LMO1: variants seen among roughly 807,000 people sequenced by gnomAD.
LMO1 encodes rhombotin-1.
In LMO1, 10 loss-of-function variants were observed where a neutral mutation model predicts 18.0. That is an observed-to-expected ratio of 0.55 (90% CI 0.34 to 0.94). The LOEUF is 0.94. LMO1 is among the 40% of genes least tolerant of loss of function. The pLI is 0.02. For missense variants in LMO1, 183 were observed against 205.7 expected, an observed-to-expected ratio of 0.89 and a Z score of 0.68; for synonymous variants, 77 against 77.9, an observed-to-expected ratio of 0.99 and a Z score of 0.06.
chr11:8,253,060 A>G (rs1847031781), intron 1 of LMO1, among the ~76,000 whole-genome samples: 1 of 152,206 alleles, frequency 6.6e-6, no homozygotes, highest in African/African-American at 2.4e-5. Context: ...TTCCTCCTAG[A>G]GCACAGGCCT....
At chr11:8,231,821 CA>C (rs1952667704) in intron 1 of LMO1, among the ~76,000 whole-genome samples, 1 of 152,138 alleles carries the variant, frequency 6.6e-6, no homozygotes, top group South Asian at 2.1e-4. Flanking sequence ...GCCCCCAGCC[CA>C]GAGTCTGAAT....
chr11:8,229,212 T>G (rs1350722594), intron 2 of LMO1, among the ~76,000 whole-genome samples: 1 of 152,220 alleles, frequency 6.6e-6, no homozygotes, highest in Non-Finnish European at 1.5e-5. Flanking sequence ...TAACCCCTGC[T>G]TCTGGTCTCA....
chr11:8,268,512 G>A (rs1050005403), upstream of LMO1: 5 of 1,292,560 alleles, frequency 3.9e-6, no homozygotes, highest in African/African-American at 7.7e-5. Context: ...TCCGACTCCC[G>A]CCGCCGGCCG....
At chr11:8,234,967 G>T (rs762218696) in intron 1 of LMO1, among the ~76,000 whole-genome samples, 5 of 152,158 alleles carry the variant, frequency 3.3e-5, no homozygotes, top group Non-Finnish European at 7.4e-5. Context: ...CAAGGAGCTG[G>T]GGGGCCTGGA....
intron 1 of LMO1, among the ~76,000 whole-genome samples, chr11:8,234,138 A>T (rs1952719695): frequency 6.6e-6 from 1 of 152,134 alleles, no homozygotes; most frequent in Non-Finnish European, 1.5e-5. Flanking sequence ...TGGAGGGGAA[A>T]CAGGCTGAAC....
chr11:8,253,929 T>C (rs1847047138), intron 1 of LMO1, among the ~76,000 whole-genome samples: 1 of 152,150 alleles, frequency 6.6e-6, no homozygotes, highest in South Asian at 2.1e-4. Flanking sequence ...GCCGACAGAA[T>C]GCCTCCCCTA....
intron 1 of LMO1, among the ~76,000 whole-genome samples, chr11:8,255,605 C>G (rs868617558): frequency 6.6e-6 from 1 of 152,164 alleles, no homozygotes; most frequent in African/African-American, 2.4e-5. Context: ...AGTCTTGTCA[C>G]GCCCAGCATC....
intron 1 of LMO1, 36 bp from the exon 2 acceptor site, chr11:8,230,540 G>T: frequency 1.9e-6 from 3 of 1,587,780 alleles, no homozygotes; most frequent in East Asian, 2.2e-5. Context: ...CGCAGGATGG[G>T]CCCCGTAGCT....
Position 8,227,028 on chromosome 11 carries a change from G to A in LMO1, c.312C>T (p.Ala104=), listed in dbSNP as rs369420489. The A allele has an allele frequency of 2.5e-6, 4 of 1,613,912 alleles. No individual in the cohort carries two copies. Among genetic ancestry groups the A allele is most frequent in the Non-Finnish European group, 3.4e-6 (4 of 1,179,868 alleles). The stretch of plus-strand genomic sequence containing the variant: ...AGTCGAGGTGATACACGTTGTCCCG[G>A]GCCCGCATCACCATCTCGAAGGCTG... ...LIPAFEMVMR[A]RDNVYHLDCF... is the part of the protein sequence containing the mutation. The change falls in exon 3 of 4, where the codon GCC becomes GCT. Residue 104 remains alanine, a synonymous_variant. Transcript: ENST00000335790.
rs1847221966 is a variant in LMO1, at chr11:8,263,348, G to T, written c.15C>A (p.Asp5Glu). Residue 5 changes from aspartate (D) to glutamate (E), a missense_variant, in exon 1 of 4, where the codon GAC (aspartate) becomes GAA (glutamate). Transcript: ENST00000335790. ...CGGCCCGCCACCTACCGTCCTCCTT[G>T]TCCAGCACCATCATCTCGGGCGCTC... Reference protein sequence around the residue: MMVLDKEDGVPMLSV... With the variant: MMVLEKEDGVPMLSV... The T allele has an allele frequency of 6.2e-7, 1 of 1,604,598 alleles. No homozygotes were observed. Among genetic ancestry groups the T allele is most frequent in the Non-Finnish European group, 8.5e-7 (1 of 1,178,682 alleles).
intron 1 of LMO1, among the ~76,000 whole-genome samples, chr11:8,230,871 T>A (rs1010881777): frequency 1.3e-5 from 2 of 152,184 alleles, no homozygotes; most frequent in African/African-American, 4.8e-5. Context: ...CACCATCACA[T>A]TGGCTCTTTC....
At chr11:8,242,823 G>A (rs1846818739) in intron 1 of LMO1, among the ~76,000 whole-genome samples, 1 of 152,228 alleles carries the variant, frequency 6.6e-6, no homozygotes, top group Non-Finnish European at 1.5e-5. Context: ...GAGCACCAGC[G>A]CGCTGAACCA....
intron 1 of LMO1, among the ~76,000 whole-genome samples, chr11:8,237,497 A>G (rs1326532563): frequency 6.6e-6 from 1 of 152,210 alleles, no homozygotes; most frequent in African/African-American, 2.4e-5. Flanking sequence ...GCAGCAGGCG[A>G]GGCCTGAACT....
At chr11:8,257,054 C>T (rs1054665802) in intron 1 of LMO1, among the ~76,000 whole-genome samples, 2 of 152,128 alleles carry the variant, frequency 1.3e-5, no homozygotes, top group African/African-American at 4.8e-5. Context: ...GGGAAAATGC[C>T]CTGATTTGTA....
intron 1 of LMO1, among the ~76,000 whole-genome samples, chr11:8,250,334 GTTAA>G (rs1322276265): frequency 6.6e-6 from 1 of 152,160 alleles, no homozygotes; most frequent in African/African-American, 2.4e-5. Context: ...TTTACTTTGT[GTTAA>G]TTATTTCAAC....
At chr11:8,227,931 A>ATTG (rs1952577670) in intron 2 of LMO1, among the ~76,000 whole-genome samples, 1 of 152,196 alleles carries the variant, frequency 6.6e-6, no homozygotes, top group African/African-American at 2.4e-5. Context: ...GGCCTCCCAA[A>ATTG]GTGCTGGGAC....
In LMO1 at chr11:8,238,202, C is replaced by T. The variant is rs78089908; in HGVS notation, c.26-7698G>A. Among the ~76,000 whole-genome samples, 109 of 152,072 alleles carry T rather than the reference C, an allele frequency of 7.2e-4. 2 individuals carry two copies. In the East Asian group the frequency reaches 0.017, roughly 24 times the overall value. On this transcript the variant is annotated intron_variant, in intron 1 of 3. Transcript: ENST00000335790. ...AAAACGAAATAAATTATGGTATATTCGTACAATGGAATAGTATGTAGCAAT... is the reference window on the plus strand; with the variant it reads ...AAAACGAAATAAATTATGGTATATTTGTACAATGGAATAGTATGTAGCAAT...
intron 2 of LMO1, 104 bp downstream of exon 2, chr11:8,230,187 C>T: frequency 1.0e-6 from 1 of 986,718 alleles, no homozygotes; most frequent in South Asian, 1.4e-5. Context: ...AGAGGACACA[C>T]AGGGTACTGG....
intron 2 of LMO1, among the ~76,000 whole-genome samples, chr11:8,228,383 G>C (rs1476804807): frequency 6.6e-6 from 1 of 152,248 alleles, no homozygotes; most frequent in Non-Finnish European, 1.5e-5. Context: ...GATTTGTCCA[G>C]CTCAAACTCA....
Sources: allele counts gnomAD v4.1 joint callset (sites outside exome capture counted in the v4.1 genomes callset), GRCh38; gene constraint gnomAD v4.1.1; transcripts MANE v1.5; gene names NCBI Gene and HGNC (gene_info 2026-07-23, HGNC 2026-07-21).